MAN2C1: variants seen among roughly 807,000 people sequenced by gnomAD.
MAN2C1 encodes the protein alpha-mannosidase 2C1.
Under a neutral mutation model 126.9 loss-of-function variants are expected in MAN2C1, and 111 were observed. The ratio of observed to expected loss-of-function variants is 0.87; its 90% CI spans 0.75 to 1.02. The LOEUF (loss-of-function observed/expected upper bound fraction) is 1.02. Ranked by LOEUF, MAN2C1 falls within the 50% of genes least tolerant of loss-of-function variation. MAN2C1 has a pLI of 0.00. For missense variants in MAN2C1, 1,363 were observed against 1,364.4 expected (o/e 1.00, Z 0.02); for synonymous variants, 567 against 561.5 (o/e 1.01, Z -0.14).
chr15:75,366,512 A>G lies in MAN2C1; in HGVS notation c.422+10T>C. Reference sequence around the variant, plus strand: ...TGACAGCACTGGTCAACCAGGGCACAGGGACTCACCTTCGGGGGTCTCTTT... The same window carrying G: ...TGACAGCACTGGTCAACCAGGGCACGGGGACTCACCTTCGGGGGTCTCTTT... On this transcript the variant is annotated intron_variant, in intron 4 of 25. Coordinates refer to ENST00000267978, the MANE Select transcript of MAN2C1 (RefSeq NM_006715.4). The G allele has an allele frequency of 6.2e-7, 1 of 1,612,620 alleles. No individual in the cohort carries two copies.
chr15:75,362,814 C>T lies in MAN2C1; in HGVS notation c.791-66G>A. Reference sequence around the variant, plus strand: ...GCTGACCAGGCCTGGGCTGGGACTCCAGAGGGTCACCTAGCCCCCCTCCCA... The same window carrying T: ...GCTGACCAGGCCTGGGCTGGGACTCTAGAGGGTCACCTAGCCCCCCTCCCA... On this transcript the variant is annotated intron_variant, in intron 6 of 25. Transcript: ENST00000267978. The surrounding 1 kb of genome is among the most constrained non-coding windows in gnomAD (Gnocchi z 4.5). The T allele has an allele frequency of 1.5e-6, 2 of 1,371,556 alleles. No homozygotes were observed. The highest frequency in any genetic ancestry group is 1.0e-6 in the Non-Finnish European group (1 of 966,998). 85.0% of individuals were successfully genotyped at this position (1,371,556 alleles called of 1,614,324 possible).
intron 5 of MAN2C1, 118 bp from the exon 6 acceptor site, chr15:75,364,306 G>T: frequency 7.8e-7 from 1 of 1,283,324 alleles, no homozygotes; most frequent in Non-Finnish European, 1.0e-6. Context: ...TTCCCTGCTG[G>T]TCCCCCTGCT....
chr15:75,366,717 G>T, intron 3 of MAN2C1, 125 bp from the exon 4 acceptor site: 2 of 616,324 alleles, frequency 3.2e-6, no homozygotes, highest in South Asian at 2.2e-5. Flanking sequence ...TCCCAAGCAG[G>T]GCCAAGATTG....
chr15:75,355,892 C>G lies in MAN2C1; in HGVS notation c.*14G>C. 1 of 1,614,040 alleles carries G rather than the reference C, an allele frequency of 6.2e-7. No homozygotes were observed. Reference sequence around the variant, plus strand: ...CCCAGAGCCTTCTACAAACAAAACCCCAGCCCCAGGGACTCAGTGTGGCGG... The same window carrying G: ...CCCAGAGCCTTCTACAAACAAAACCGCAGCCCCAGGGACTCAGTGTGGCGG... On this transcript the variant is annotated 3_prime_UTR_variant, in exon 26 of 26. Transcript: ENST00000267978.
intron 13 of MAN2C1, 57 bp from the exon 14 acceptor site, chr15:75,360,268 T>G: frequency 1.3e-6 from 2 of 1,589,002 alleles, no homozygotes; most frequent in South Asian, 1.1e-5. Flanking sequence ...CAGGACACCT[T>G]CCAAAGCCCT....
rs758854892 is a variant in MAN2C1, at chr15:75,361,167, G to A, written c.1339C>T (p.Arg447Trp). Residue 447 changes from arginine (R) to tryptophan (W), a missense_variant, in exon 12 of 26, where the codon CGG becomes TGG. By Grantham distance (101) the Arg-to-Trp change is moderately radical (BLOSUM62 -3). Around this residue, in one of 3 missense-constraint regions of MAN2C1, gnomAD observed 628 missense variants for 609.8 expected, o/e 1.03. Coordinates refer to ENST00000267978, the MANE Select transcript of MAN2C1 (RefSeq NM_006715.4). This position sits in a 1 kb window ranked among gnomAD's most constrained non-coding sequence, Gnocchi z 5.0. ...EEVLKTVANN[R>W]DKGRANHSAF... ...CTGTGGTTGGCCCGCCCCTTGTCCCGGTTGTTGGCCACGGTCTTCAGCACC... is the reference window on the plus strand; with the variant it reads ...CTGTGGTTGGCCCGCCCCTTGTCCCAGTTGTTGGCCACGGTCTTCAGCACC... The A allele has an allele frequency of 6.2e-6, 10 of 1,612,966 alleles. No individual in the cohort carries two copies. In the East Asian group the frequency reaches 6.7e-5, roughly 11 times the overall value.
At chr15:75,357,118 G>A (rs2072339335) in intron 21 of MAN2C1, 2 of 572,514 alleles carry the variant, frequency 3.5e-6, no homozygotes, top group Non-Finnish European at 3.1e-6. Flanking sequence ...TCACCCCATC[G>A]AATGATCATG....
rs1354414533 is a variant in MAN2C1, at chr15:75,361,969, G to C, written c.1009-22C>G. ...CATCCTGGCAGTGAAGGAAGTGGGAGGCAGCCCAGGTCAGCGCTGGACGGG... is the reference window on the plus strand; with the variant it reads ...CATCCTGGCAGTGAAGGAAGTGGGACGCAGCCCAGGTCAGCGCTGGACGGG... On this transcript the variant is annotated intron_variant, in intron 8 of 25. Coordinates refer to ENST00000267978, the MANE Select transcript of MAN2C1 (RefSeq NM_006715.4). This position sits in a 1 kb window ranked among gnomAD's most constrained non-coding sequence, Gnocchi z 5.0. The C allele has an allele frequency of 3.2e-6, 5 of 1,583,444 alleles. No individual in the cohort carries two copies. In the African/African-American group the frequency reaches 4.0e-5, roughly 13 times the overall value.
In MAN2C1 at chr15:75,359,760, C is replaced by T. The variant is rs770842951; in HGVS notation, c.1808G>A (p.Gly603Asp). The change falls in exon 16 of 26, where the codon GGC becomes GAC. Residue 603 changes from glycine (G) to aspartate (D), a missense_variant. By Grantham distance (94) the Gly-to-Asp change is moderately conservative (BLOSUM62 -1). Transcript: ENST00000267978. ...MCHYEDIRSHGNTLLSAAAAA... is the reference protein window; with the variant it reads ...MCHYEDIRSHDNTLLSAAAAA... ...GGCTGCAGCGCTGAGCAGTGTATTG[C>T]CATGGGAACGGATGTCTGAGGAAAG... 3.1e-6 allele frequency: 5 copies of T among 1,613,864 alleles called. No homozygotes were observed. In the South Asian group the frequency reaches 4.4e-5, roughly 14 times the overall value.
At chr15:75,358,666 A>G in intron 19 of MAN2C1, 38 bp downstream of exon 19, 1 of 1,307,630 alleles carries the variant, frequency 7.6e-7, no homozygotes, top group Non-Finnish European at 1.0e-6. Flanking sequence ...CTGTGTTCCC[A>G]CCACCTCCAC....
chr15:75,362,233 C>CGGGGATGAG lies in MAN2C1; in HGVS notation c.1008+101_1008+109dup, dbSNP rs1274649837. The CGGGGATGAG allele has an allele frequency of 1.1e-6, 1 of 935,434 alleles. No homozygotes were observed. The highest frequency in any genetic ancestry group is 1.7e-6 in the Non-Finnish European group (1 of 599,252). The allele number at this position is 935,434 out of a possible 1,614,324, so 57.9% of individuals were successfully genotyped here. A position where few individuals can be genotyped will look rare whatever the true frequency, so the allele number is the denominator to read the frequency against. ...CTAATGAGCCAGCCCTGCCACACAG[C>CGGGGATGAG]GGGGATGAGTGGCCCGTGGAAACTC... On this transcript the variant is annotated intron_variant, in intron 8 of 25. Coordinates refer to ENST00000267978, the MANE Select transcript of MAN2C1 (RefSeq NM_006715.4). The surrounding 1 kb of genome is among the most constrained non-coding windows in gnomAD (Gnocchi z 4.5).
At chr15:75,367,953 G>A in intron 2 of MAN2C1, 120 bp downstream of exon 2, 1 of 1,289,692 alleles carries the variant, frequency 7.8e-7, no homozygotes, top group South Asian at 1.4e-5. Flanking sequence ...CCAGCAGAGG[G>A]TGCTGCTCGA....
chr15:75,366,574 C>T lies in MAN2C1; in HGVS notation c.370G>A (p.Glu124Lys), dbSNP rs761115657. Reference protein sequence around the residue: ...EPVQGLTKEGEKTSYVLTDRL... With the variant: ...EPVQGLTKEGKKTSYVLTDRL... ...TCAGTCAGGACATAGCTGGTCTTCT[C>T]ACCCTCTTTGGTTAAACCCTAGTAG... The change falls in exon 4 of 26, where the codon GAG (glutamate) becomes AAG (lysine). Residue 124 changes from glutamate (E) to lysine (K), a missense_variant. Physicochemically the swap from Glu to Lys is moderately conservative, Grantham distance 56. Around this residue, in one of 3 missense-constraint regions of MAN2C1, gnomAD observed 628 missense variants for 609.8 expected, o/e 1.03. Coordinates refer to ENST00000267978, the MANE Select transcript of MAN2C1 (RefSeq NM_006715.4). 6.2e-7 allele frequency: 1 copy of T among 1,613,260 alleles called. No individual in the cohort carries two copies. The highest frequency in any genetic ancestry group is 1.1e-5 in the South Asian group (1 of 90,886).
chr15:75,362,500 A>G lies in MAN2C1; in HGVS notation c.898-47T>C, dbSNP rs1222624713. On this transcript the variant is annotated intron_variant, in intron 7 of 25. Coordinates refer to ENST00000267978, the MANE Select transcript of MAN2C1 (RefSeq NM_006715.4). The surrounding 1 kb of genome is among the most constrained non-coding windows in gnomAD (Gnocchi z 4.5). Reference sequence around the variant, plus strand: ...CTGGGACCAGAGTGACAAGGGCCCCACCCAGGACTGAGCATATGGGACTCA... The same window carrying G: ...CTGGGACCAGAGTGACAAGGGCCCCGCCCAGGACTGAGCATATGGGACTCA... 1.7e-5 allele frequency: 26 copies of G among 1,552,614 alleles called. No individual in the cohort carries two copies. The highest frequency in any genetic ancestry group is 2.3e-5 in the Non-Finnish European group (26 of 1,139,294).
At position 75,358,604 on chromosome 15, in the gene MAN2C1, C is replaced by T. The variant is rs2141327741; in HGVS notation, c.2261G>A (p.Gly754Asp). 2 of 1,613,236 alleles carry T rather than the reference C, an allele frequency of 1.2e-6. No individual in the cohort carries two copies. The highest frequency in any genetic ancestry group is 3.3e-4 in the Middle Eastern group (2 of 6,062). Residue 754 changes from glycine (G) to aspartate (D), a missense_variant, in exon 20 of 26, where the codon GGC becomes GAC. Transcript: ENST00000267978. Reference protein sequence around the residue: ...YHLETRKPVLGQAGTLAVGTE... With the variant: ...YHLETRKPVLDQAGTLAVGTE... ...GCCCACTGCCAGGGTCCCTGCCTGG[C>T]CCAGCACAGGCTTCCTATGGGACAG...
intron 12 of MAN2C1, 120 bp from the exon 13 acceptor site, chr15:75,360,808 TCA>T (rs2072451527): frequency 7.2e-7 from 1 of 1,383,708 alleles, no homozygotes; most frequent in Admixed American, 2.0e-5. Flanking sequence ...AGCTCCCCGT[TCA>T]CAGATGGCCA....
Position 75,366,438 on chromosome 15 carries a change from G to A in MAN2C1, c.422+84C>T, listed in dbSNP as rs1433811381. 1.2e-5 allele frequency: 14 copies of A among 1,142,926 alleles called. No individual in the cohort carries two copies. The Admixed American group carries it at 2.8e-4, about 23-fold the overall frequency. The allele number at this position is 1,142,926 out of a possible 1,614,324, so 70.8% of individuals were successfully genotyped here. On this transcript the variant is annotated intron_variant, in intron 4 of 25. Coordinates refer to ENST00000267978, the MANE Select transcript of MAN2C1 (RefSeq NM_006715.4). ...TGTGCTAGAGCAGAGGCGGGCTTAT[G>A]AGATCACTCTGGGCCTCAGCTCCTC...
At chr15:75,367,985 A>G in intron 2 of MAN2C1, 88 bp downstream of exon 2, 1 of 1,461,502 alleles carries the variant, frequency 6.8e-7, no homozygotes, top group Admixed American at 2.3e-5. Flanking sequence ...TGTCTACGGC[A>G]GAGGGCAGAC....
chr15:75,362,347 T>A lies in MAN2C1; in HGVS notation c.1004A>T (p.Glu335Val). The part of the protein sequence containing the change: ...QFVPVGGTWV[E>V]MDGNLPSGEA... ...AGGAGTGCCCAGTGCACTTACCATC[T>A]CCACCCAGGTGCCCCCCACAGGCAC... Residue 335 changes from glutamate (E) to valine (V), a missense_variant, in exon 8 of 26, where the codon GAG becomes GTG. Coordinates refer to ENST00000267978, the MANE Select transcript of MAN2C1 (RefSeq NM_006715.4). This position sits in a 1 kb window ranked among gnomAD's most constrained non-coding sequence, Gnocchi z 4.5. 1 of 1,613,636 alleles carries A rather than the reference T, an allele frequency of 6.2e-7. No individual in the cohort carries two copies. The highest frequency in any genetic ancestry group is 8.5e-7 in the Non-Finnish European group (1 of 1,179,830).
Sources: gnomAD v4.1 joint callset for allele counts on GRCh38, gnomAD v4.1.1 for gene constraint, gnomAD v4.1.1 regional missense constraint, Gnocchi (gnomAD v3.1) non-coding constraint, MANE v1.5 for transcripts, NCBI Gene and HGNC (gene_info 2026-07-23, HGNC 2026-07-21) for gene names.